Variants in COX7C observed in about 807,000 individuals in gnomAD.
COX7C encodes cytochrome c oxidase subunit 7C, mitochondrial.
In COX7C, 1 loss-of-function variant was observed where a neutral mutation model predicts 6.4. The ratio of observed to expected loss-of-function variants is 0.16; its 90% CI spans 0.06 to 0.74. The LOEUF (loss-of-function observed/expected upper bound fraction) is 0.74, where lower values mean the gene tolerates loss of function less well. Ranked by LOEUF, COX7C falls within the 30% of genes least tolerant of loss-of-function variation. The pLI, the probability that COX7C is intolerant of heterozygous loss-of-function variation, is 0.78. For missense variants in COX7C, 54 were observed against 73.7 expected, an observed-to-expected ratio of 0.73 and a Z score of 0.98; for synonymous variants, 24 against 28.9, an observed-to-expected ratio of 0.83 and a Z score of 0.54.
intron 2 of COX7C, chr5:86,620,121 G>C (rs1046417992): frequency 6.6e-6 from 1 of 152,284 alleles, no homozygotes. Context: ...GTAAATCTGT[G>C]CCTCACCAAC....
At chr5:86,619,806 A>G in intron 2 of COX7C, 1 of 214,030 alleles carries the variant, frequency 4.7e-6, no homozygotes, top group East Asian at 1.0e-4. Context: ...TCAACATCTC[A>G]TAACTAGTAT....
Position 86,620,757 on chromosome 5 carries a change from A to G in COX7C, c.*117A>G, listed in dbSNP as rs1418432241. The G allele has an allele frequency of 2.3e-5, 7 of 304,284 alleles. No individual in the cohort carries two copies. Among genetic ancestry groups the G allele is most frequent in the Non-Finnish European group, 3.6e-5 (5 of 139,572 alleles). The allele number at this position is 304,284 out of a possible 1,614,324, so 18.8% of individuals were successfully genotyped here. On this transcript the variant is annotated 3_prime_UTR_variant, in exon 3 of 3. Coordinates refer to ENST00000247655, the MANE Select transcript of COX7C (RefSeq NM_001867.3). ...ACTAGATATGTTTGTCAATAAACTT[A>G]TGACGTGAATGCTTAATGCCTCTTT...
rs537624217 is a variant in COX7C at position 86,620,571 on chromosome 5, ACTC to A, written c.*28-96_*28-94del. Reference sequence around the variant, plus strand: ...TACTGTAAACGCTTTCTGATGTACTACTCAAACTGATAGAAAATATTTTCATGA... The same window carrying A: ...TACTGTAAACGCTTTCTGATGTACTAAAACTGATAGAAAATATTTTCATGA... On this transcript the variant is annotated intron_variant, in intron 2 of 2. Transcript: ENST00000247655. 2.7e-3 allele frequency: 1,078 copies of A among 392,298 alleles called. 5 individuals are homozygous for A. The highest frequency in any genetic ancestry group is 8.3e-3 in the Middle Eastern group (23 of 2,766). 24.3% of individuals were successfully genotyped at this position (392,298 alleles called of 1,614,324 possible). A position where few individuals can be genotyped will look rare whatever the true frequency, so the allele number is the denominator to read the frequency against.
intron 2 of COX7C, 151 bp from the exon 3 acceptor site, chr5:86,620,517 G>A (rs1750099053): frequency 3.7e-6 from 1 of 267,998 alleles, no homozygotes; most frequent in African/African-American, 2.2e-5. Flanking sequence ...TGCATGTGAT[G>A]AAGCAAATCA....
At chr5:86,618,439 A>G (rs531034803) in intron 1 of COX7C, 2 of 337,442 alleles carry the variant, frequency 5.9e-6, no homozygotes, top group African/African-American at 4.2e-5. Context: ...TGTTGGTTAA[A>G]TCCGAGCTGG....
intron 2 of COX7C, chr5:86,620,426 G>A (rs947265485): frequency 9.1e-6 from 2 of 219,514 alleles, no homozygotes; most frequent in African/African-American, 4.5e-5. Flanking sequence ...TAATACTATA[G>A]AACACTAGGA....
At chr5:86,618,873 T>C (rs1287496948) in intron 1 of COX7C, among the ~76,000 whole-genome samples, 3 of 151,066 alleles carry the variant, frequency 2.0e-5, no homozygotes, top group Non-Finnish European at 2.9e-5. Context: ...TCCCAGCTAC[T>C]CGGGAGGCTG....
In COX7C at chr5:86,617,977, A is replaced by G; in HGVS notation, c.-79A>G. On this transcript the variant is annotated 5_prime_UTR_variant, in exon 1 of 3. Transcript: ENST00000247655. ...TTGCGCACCGGGGAACAAGGTCGTG[A>G]AAAAAAAGGTCTTGGTGAGGTGCCG... 7.7e-7 allele frequency: 1 copy of G among 1,306,354 alleles called. No homozygotes were observed. Among genetic ancestry groups the G allele is most frequent in the Non-Finnish European group, 1.1e-6 (1 of 918,990 alleles). 80.9% of individuals were successfully genotyped at this position (1,306,354 alleles called of 1,614,324 possible).
chr5:86,618,862 A>T (rs1750057282), intron 1 of COX7C, among the ~76,000 whole-genome samples: 1 of 151,784 alleles, frequency 6.6e-6, no homozygotes, highest in African/African-American at 2.4e-5. Flanking sequence ...TGTGCCTCTA[A>T]TCCCAGCTAC....
At position 86,618,121 on chromosome 5, in the gene COX7C, C is replaced by T. The variant is rs764895252; in HGVS notation, c.66C>T (p.Gly22=). The change falls in exon 1 of 3, where the codon GGC becomes GGT. Residue 22 remains glycine, a synonymous_variant. Coordinates refer to ENST00000247655, the MANE Select transcript of COX7C (RefSeq NM_001867.3). Reference sequence around the variant, plus strand: ...TCCGTAGGAGCCACTATGAGGAGGGCCCTGGGAAGGTTAGTGTGTAAGGGG... The same window carrying T: ...TCCGTAGGAGCCACTATGAGGAGGGTCCTGGGAAGGTTAGTGTGTAAGGGG... ...SVVRRSHYEE[G]PGKNLPFSVE... 22 of 1,613,978 alleles carry T rather than the reference C, an allele frequency of 1.4e-5. No individual in the cohort carries two copies. The African/African-American group carries it at 2.9e-4, about 22-fold the overall frequency.
chr5:86,619,893 CTGAT>C, intron 2 of COX7C: 1 of 164,208 alleles, frequency 6.1e-6, no homozygotes, highest in South Asian at 1.7e-4. Flanking sequence ...AACTGATAAA[CTGAT>C]TAATGTTACT....
intron 2 of COX7C, 63 bp downstream of exon 2, chr5:86,619,559 C>A: frequency 2.5e-6 from 2 of 804,730 alleles, no homozygotes; most frequent in Non-Finnish European, 2.2e-6. Context: ...TCTTCCCCAT[C>A]ACCCAGAACA....
chr5:86,618,346 C>T (rs577373568), intron 1 of COX7C: 226 of 532,986 alleles, frequency 4.2e-4, no homozygotes, highest in Non-Finnish European at 2.1e-4. Context: ...TCCGGAAGCC[C>T]TGCCTCCATC....
chr5:86,618,335 A>G, intron 1 of COX7C: 1 of 553,096 alleles, frequency 1.8e-6, no homozygotes, highest in South Asian at 2.1e-5. Flanking sequence ...GGGCAGGTAG[A>G]TCCGGAAGCC....
chr5:86,619,501 T>G lies in COX7C; in HGVS notation c.*27+5T>G. 1.4e-6 allele frequency: 2 copies of G among 1,381,886 alleles called. No individual in the cohort carries two copies. The highest frequency in any genetic ancestry group is 1.0e-6 in the Non-Finnish European group (1 of 968,688). 85.6% of individuals were successfully genotyped at this position (1,381,886 alleles called of 1,614,324 possible). A position where few individuals can be genotyped will look rare whatever the true frequency, so the allele number is the denominator to read the frequency against. ...TTCAGTTCCTCCATTTAACAGGTAG[T>G]TAGTGGATTTCTAATCATGTTAAAG... On this transcript the variant is annotated splice_donor_5th_base_variant and intron_variant, in intron 2 of 2. Coordinates refer to ENST00000247655, the MANE Select transcript of COX7C (RefSeq NM_001867.3).
rs767375569 is a variant in COX7C at position 86,619,398 on chromosome 5, A to G, written c.121A>G (p.Met41Val). The change falls in exon 2 of 3, where the codon ATG becomes GTG. Residue 41 changes from methionine (M) to valine (V), a missense_variant. Physicochemically the swap from Met to Val is conservative, Grantham distance 21 (BLOSUM62 1). Transcript: ENST00000247655. ...VENKWSLLAK[M>V]CLYFGSAFAT... is the part of the protein sequence containing the mutation. ...AAACAAGTGGTCGTTACTAGCTAAGATGTGTTTGTACTTTGGATCTGCATT... is the reference window on the plus strand; with the variant it reads ...AAACAAGTGGTCGTTACTAGCTAAGGTGTGTTTGTACTTTGGATCTGCATT... 37 of 1,613,620 alleles carry G rather than the reference A, an allele frequency of 2.3e-5. No individual in the cohort carries two copies. Among genetic ancestry groups the G allele is most frequent in the Non-Finnish European group, 3.1e-5 (37 of 1,179,874 alleles).
At position 86,619,435 on chromosome 5, in the gene COX7C, T is replaced by C; in HGVS notation, c.158T>C (p.Phe53Ser). The C allele has an allele frequency of 6.2e-7, 1 of 1,613,050 alleles. No individual in the cohort carries two copies. The highest frequency in any genetic ancestry group is 8.5e-7 in the Non-Finnish European group (1 of 1,179,052). Residue 53 changes from phenylalanine (F) to serine (S), a missense_variant, in exon 2 of 3, where the codon TTC becomes TCC. By Grantham distance (155) the Phe-to-Ser change is radical. Coordinates refer to ENST00000247655, the MANE Select transcript of COX7C (RefSeq NM_001867.3). ...LYFGSAFATP[F>S]LVVRHQLLKT ...TTTGGATCTGCATTTGCTACACCCTTCCTTGTAGTAAGACACCAACTGCTT... is the reference window on the plus strand; with the variant it reads ...TTTGGATCTGCATTTGCTACACCCTCCCTTGTAGTAAGACACCAACTGCTT...
intron 1 of COX7C, 131 bp downstream of exon 1, chr5:86,618,261 A>G (rs1403887784): frequency 3.7e-6 from 3 of 811,980 alleles, no homozygotes; most frequent in Admixed American, 4.4e-5. Flanking sequence ...GCAGACTAGC[A>G]TTCCACTTAG....
At chr5:86,619,603 C>G in intron 2 of COX7C, 107 bp downstream of exon 2, 1 of 677,958 alleles carries the variant, frequency 1.5e-6, no homozygotes, top group Non-Finnish European at 2.6e-6. Context: ...AGGGCTGATT[C>G]CTGAGGTTAT....
Sources: gnomAD v4.1 joint callset for allele counts (sites outside exome capture counted in the v4.1 genomes callset) on GRCh38, gnomAD v4.1.1 for gene constraint, MANE v1.5 for transcripts, NCBI Gene and HGNC (gene_info 2026-07-23, HGNC 2026-07-21) for gene names.